ZMIZ2: variants seen among roughly 807,000 people sequenced by gnomAD.
The protein encoded by ZMIZ2 is zinc finger MIZ-type containing 2, also known as zinc finger MIZ domain-containing protein 2.
ZMIZ2 carries 26 observed loss-of-function variants against 93.9 expected under a neutral mutation model. The observed-to-expected ratio is 0.28, with a 90% CI of 0.20 to 0.38. The LOEUF is 0.38. ZMIZ2 is among the 10% of genes least tolerant of loss of function. ZMIZ2 has a pLI of 1.00. For missense variants in ZMIZ2, 1,023 were observed against 1,235.0 expected (o/e 0.83, Z 2.57); for synonymous variants, 485 against 516.4 (o/e 0.94, Z 0.82).
At chr7:44,753,199 TTTTTAA>T (rs1790306486) in intron 1 of ZMIZ2, among the ~76,000 whole-genome samples, 1 of 129,200 alleles carries the variant, frequency 7.7e-6, no homozygotes, top group African/African-American at 2.9e-5. Context: ...CTAATTGGAG[TTTTTAA>T]TTTTAATTTT....
At chr7:44,764,300 C>A in intron 13 of ZMIZ2, 119 bp from the exon 14 acceptor site, 1 of 887,988 alleles carries the variant, frequency 1.1e-6, no homozygotes, top group Non-Finnish European at 1.8e-6. Flanking sequence ...CTGGTACATG[C>A]AGTATCTCAG....
Position 44,763,635 on chromosome 7 carries a change from G to A in ZMIZ2, c.1860+222G>A. The A allele has an allele frequency of 1.7e-6, 1 of 595,146 alleles. No individual in the cohort carries two copies. Among genetic ancestry groups the A allele is most frequent in the Non-Finnish European group, 2.8e-6 (1 of 352,454 alleles). The allele number at this position is 595,146 out of a possible 1,614,324, so 36.9% of individuals were successfully genotyped here. ...TTGTCATTTTACTAACTTTTTTACT[G>A]CCTGCTTCATTCATGGGTTCAAGTT... On this transcript the variant is annotated intron_variant, in intron 13 of 18. Coordinates refer to ENST00000309315, the MANE Select transcript of ZMIZ2 (RefSeq NM_031449.4). The surrounding 1 kb of genome is among the most constrained non-coding windows in gnomAD (Gnocchi z 5.6).
Position 44,768,654 on chromosome 7 carries a change from G to A in ZMIZ2, c.*1031G>A, listed in dbSNP as rs1418936978. The A allele has an allele frequency of 1.3e-5, 2 of 152,216 alleles. No individual in the cohort carries two copies. Among genetic ancestry groups the A allele is most frequent in the African/African-American group, 4.8e-5 (2 of 41,430 alleles). 9.4% of individuals were successfully genotyped at this position (152,216 alleles called of 1,614,324 possible). A position where few individuals can be genotyped will look rare whatever the true frequency, so the allele number is the denominator to read the frequency against. ...GGGCGCCTGGGCTGTTGTGTCTCCTGTCTGTGCCGATCTCTATTAAAGGAC... is the reference window on the plus strand; with the variant it reads ...GGGCGCCTGGGCTGTTGTGTCTCCTATCTGTGCCGATCTCTATTAAAGGAC... On this transcript the variant is annotated 3_prime_UTR_variant, in exon 19 of 19. Transcript: ENST00000309315.
chr7:44,760,505 C>T lies in ZMIZ2; in HGVS notation c.1152C>T (p.Val384=). The change falls in exon 9 of 19, where the codon GTC becomes GTT. Residue 384 remains valine, a synonymous_variant. Coordinates refer to ENST00000309315, the MANE Select transcript of ZMIZ2 (RefSeq NM_031449.4). ...PTPPMTPSSS[V]PYMSPNQEVK... ...CACCCATGACCCCAAGCAGCAGCGT[C>T]CCTTACATGTCACCAAACCAAGAGG... The T allele has an allele frequency of 6.2e-7, 1 of 1,614,172 alleles. No homozygotes were observed.
intron 13 of ZMIZ2, among the ~76,000 whole-genome samples, chr7:44,764,017 A>G (rs1004413866): frequency 6.6e-6 from 1 of 152,216 alleles, no homozygotes; most frequent in African/African-American, 2.4e-5. Context: ...GTGTGCCTGT[A>G]ATCCCAGCCA....
chr7:44,766,694 G>C lies in ZMIZ2; in HGVS notation c.2655+31G>C. 5 of 1,608,310 alleles carry C rather than the reference G, an allele frequency of 3.1e-6. No individual in the cohort carries two copies. Among genetic ancestry groups the C allele is most frequent in the Non-Finnish European group, 4.2e-6 (5 of 1,176,622 alleles). ...TACCAGGCCCCATGCGGGGGAGTGCGTGGGAGCCAGGGCTAGAGGTGGTGT... is the reference window on the plus strand; with the variant it reads ...TACCAGGCCCCATGCGGGGGAGTGCCTGGGAGCCAGGGCTAGAGGTGGTGT... On this transcript the variant is annotated intron_variant, in intron 18 of 18. Transcript: ENST00000309315. The surrounding 1 kb of genome is among the most constrained non-coding windows in gnomAD (Gnocchi z 4.4).
Position 44,757,801 on chromosome 7 carries a change from C to A in ZMIZ2, c.553-47C>A. On this transcript the variant is annotated intron_variant, in intron 5 of 18. Transcript: ENST00000309315. Reference sequence around the variant, plus strand: ...CGGGTTTTATGCCTATCTTTTGGAGCCCTTTGTGGGTGGGACCTGGACCAT... The same window carrying A: ...CGGGTTTTATGCCTATCTTTTGGAGACCTTTGTGGGTGGGACCTGGACCAT... 3 of 1,512,214 alleles carry A rather than the reference C, an allele frequency of 2.0e-6. No homozygotes were observed. In the South Asian group the frequency reaches 4.1e-5, roughly 20 times the overall value. The allele number at this position is 1,512,214 out of a possible 1,614,324, so 93.7% of individuals were successfully genotyped here.
intron 1 of ZMIZ2, among the ~76,000 whole-genome samples, chr7:44,752,448 CCTT>C (rs1790236097): frequency 6.6e-6 from 1 of 152,096 alleles, no homozygotes; most frequent in East Asian, 1.9e-4. Context: ...CAGCCTGTTG[CCTT>C]CTTATATTCA....
chr7:44,758,143 G>C (rs962870334), intron 6 of ZMIZ2, 35 bp downstream of exon 6: 10 of 1,501,280 alleles, frequency 6.7e-6, no homozygotes, highest in Non-Finnish European at 2.7e-6. Context: ...GGGGCCTTGG[G>C]TACCAACTCC....
In ZMIZ2 at chr7:44,766,397, A is replaced by G. The variant is rs369916152; in HGVS notation, c.2413-24A>G. On this transcript the variant is annotated intron_variant, in intron 17 of 18. Transcript: ENST00000309315. The surrounding 1 kb of genome is among the most constrained non-coding windows in gnomAD (Gnocchi z 4.4). Reference sequence around the variant, plus strand: ...CCAGGGGAGCCCCTGAGCTGTTTTAACAAATTCTTCTCTCTGTCTTCAGAT... The same window carrying G: ...CCAGGGGAGCCCCTGAGCTGTTTTAGCAAATTCTTCTCTCTGTCTTCAGAT... The G allele has an allele frequency of 3.1e-6, 5 of 1,613,680 alleles. No individual in the cohort carries two copies. Among genetic ancestry groups the G allele is most frequent in the Non-Finnish European group, 4.2e-6 (5 of 1,179,690 alleles).
chr7:44,761,426 C>G lies in ZMIZ2; in HGVS notation c.1241-23C>G. On this transcript the variant is annotated intron_variant, in intron 9 of 18. Transcript: ENST00000309315. The surrounding 1 kb of genome is among the most constrained non-coding windows in gnomAD (Gnocchi z 5.8). The stretch of plus-strand genomic sequence containing the variant: ...GCTCTGGCTGGGGCAACCCAGCTCA[C>G]AGCCAGTGGCCTCTGCTCCCAGGAA... The G allele has an allele frequency of 6.2e-7, 1 of 1,609,406 alleles. No homozygotes were observed. The highest frequency in any genetic ancestry group is 8.5e-7 in the Non-Finnish European group (1 of 1,179,210).
Position 44,769,201 on chromosome 7 carries a change from CT to C in ZMIZ2, c.*1580del. The C allele has an allele frequency of 6.5e-6, 1 of 152,892 alleles. No homozygotes were observed. Among genetic ancestry groups the C allele is most frequent in the Non-Finnish European group, 1.5e-5 (1 of 68,260 alleles). The allele number at this position is 152,892 out of a possible 1,614,324, so 9.5% of individuals were successfully genotyped here. A position where few individuals can be genotyped will look rare whatever the true frequency, so the allele number is the denominator to read the frequency against. On this transcript the variant is annotated 3_prime_UTR_variant, in exon 19 of 19. Transcript: ENST00000309315. ...AGTCCTGGGCCCCATCCTTGAGGGC[CT>C]TCCCAGCCAGCCAGCAGGAGAGGCA...
chr7:44,756,630 A>C (rs1790618950), intron 3 of ZMIZ2, 91 bp downstream of exon 3: 2 of 1,363,612 alleles, frequency 1.5e-6, no homozygotes, highest in Non-Finnish European at 1.0e-6. Context: ...TGAGAGACGA[A>C]GAGGCTGAGA....
rs1219330720 is a variant in ZMIZ2 at position 44,757,009 on chromosome 7, G to C, written c.228G>C (p.Val76=). Residue 76 remains valine, a synonymous_variant, in exon 4 of 19, where the codon GTG becomes GTC. Coordinates refer to ENST00000309315, the MANE Select transcript of ZMIZ2 (RefSeq NM_031449.4). ...CTGGCAGCTCCATGATGCCTGGTGTGGCAGGGGGCAGCTCCGCCTTGACCT... is the reference window on the plus strand; with the variant it reads ...CTGGCAGCTCCATGATGCCTGGTGTCGCAGGGGGCAGCTCCGCCTTGACCT... ...SPSGSSMMPG[V]AGGSSALTSP... 6 of 1,612,688 alleles carry C rather than the reference G, an allele frequency of 3.7e-6. No homozygotes were observed. In the East Asian group the frequency reaches 1.1e-4, roughly 30 times the overall value.
At chr7:44,762,759 C>T (rs1791330117) in intron 11 of ZMIZ2, 122 bp from the exon 12 acceptor site, 4 of 598,056 alleles carry the variant, frequency 6.7e-6, no homozygotes, top group Non-Finnish European at 1.0e-5. Context: ...CTCACCCTGC[C>T]CTCAGCCTTG....
chr7:44,760,685 G>A (rs1791090171), intron 9 of ZMIZ2, 92 bp downstream of exon 9: 1 of 1,477,232 alleles, frequency 6.8e-7, no homozygotes, highest in Non-Finnish European at 9.2e-7. Context: ...TAGGAGCTTG[G>A]GGGACAGGGG....
At chr7:44,755,894 A>G (rs1430681909) in intron 1 of ZMIZ2, among the ~76,000 whole-genome samples, 1 of 152,060 alleles carries the variant, frequency 6.6e-6, no homozygotes, top group African/African-American at 2.4e-5. Flanking sequence ...AGAGTGGGGA[A>G]AGTATTTGGA....
chr7:44,759,358 G>GC lies in ZMIZ2; in HGVS notation c.896dup (p.Ala300CysfsTer32). 1 of 1,604,768 alleles carries GC rather than the reference G, an allele frequency of 6.2e-7. No homozygotes were observed. The highest frequency in any genetic ancestry group is 8.5e-7 in the Non-Finnish European group (1 of 1,175,900). On this transcript the variant is annotated frameshift_variant, in exon 7 of 19. Transcript: ENST00000309315. LOFTEE classifies it high-confidence loss of function. ...CCCAGTTTGCGCCCAGCCCTGGGCA[G>GC]CCCCCTGCCCCCTCCCCTTCCTACC...
chr7:44,758,022 G>A lies in ZMIZ2; in HGVS notation c.727G>A (p.Gly243Arg). The stretch of plus-strand genomic sequence containing the variant: ...AGCAGGAATGACACCCTTGTATGCA[G>A]GGCAGCGTCTGCCCCAACATGGGTA... ...RAAGMTPLYA[G>R]QRLPQHGYPG... Residue 243 changes from glycine (G) to arginine (R), a missense_variant, in exon 6 of 19, where the codon GGG (glycine) becomes AGG (arginine). Physicochemically the swap from Gly to Arg is moderately radical, Grantham distance 125. Coordinates refer to ENST00000309315, the MANE Select transcript of ZMIZ2 (RefSeq NM_031449.4). 3 of 1,610,810 alleles carry A rather than the reference G, an allele frequency of 1.9e-6. No individual in the cohort carries two copies. The highest frequency in any genetic ancestry group is 1.7e-6 in the Non-Finnish European group (2 of 1,178,722).
Sources: gnomAD v4.1 joint callset for allele counts (sites outside exome capture counted in the v4.1 genomes callset) on GRCh38, gnomAD v4.1.1 for gene constraint, Gnocchi (gnomAD v3.1) non-coding constraint, MANE v1.5 for transcripts, NCBI Gene and HGNC (gene_info 2026-07-23, HGNC 2026-07-21) for gene names.